CLASP1: variants seen among roughly 807,000 people sequenced by gnomAD.
The protein encoded by CLASP1 is CLIP-associating protein 1.
Under a neutral mutation model 192.3 loss-of-function variants are expected in CLASP1, and 38 were observed. The observed-to-expected ratio is 0.20, with a 90% confidence interval of 0.15 to 0.26. The LOEUF (loss-of-function observed/expected upper bound fraction) is 0.26. Among genes scored for constraint, CLASP1 ranks in the 10% least tolerant of loss-of-function variants. The probability of loss-of-function intolerance (pLI) is 1.00; values close to 1 mark genes in which losing one functional copy is unlikely to be tolerated. For missense variants in CLASP1, 1,433 were observed against 1,932.5 expected, an observed-to-expected ratio of 0.74 and a Z score of 4.85; for synonymous variants, 691 against 712.8, an observed-to-expected ratio of 0.97 and a Z score of 0.49.
chr2:121,621,979 C>A (rs1458927099), intron 1 of CLASP1, among the ~76,000 whole-genome samples: 1 of 152,080 alleles, frequency 6.6e-6, no homozygotes, highest in Non-Finnish European at 1.5e-5. Flanking sequence ...TCCCAACCAG[C>A]TGGGATTACA....
At chr2:121,582,051 T>C (rs1390520861) in intron 2 of CLASP1, among the ~76,000 whole-genome samples, 1 of 151,526 alleles carries the variant, frequency 6.6e-6, no homozygotes, top group Non-Finnish European at 1.5e-5. Flanking sequence ...TAATCCCAGC[T>C]ACGTGGGAGG....
chr2:121,629,828 A>G (rs1275001874), intron 1 of CLASP1, among the ~76,000 whole-genome samples: 1 of 149,590 alleles, frequency 6.7e-6, no homozygotes, highest in Admixed American at 6.6e-5. Flanking sequence ...AACAAAAATG[A>G]TGCCATTTTT....
intron 8 of CLASP1, among the ~76,000 whole-genome samples, chr2:121,478,795 A>C (rs1575273909): frequency 2.6e-5 from 1 of 37,834 alleles, no homozygotes; most frequent in Non-Finnish European, 5.6e-5. Flanking sequence ...CACACACACC[A>C]CACACCACAC....
intron 8 of CLASP1, among the ~76,000 whole-genome samples, chr2:121,478,980 A>C (rs1238471152): frequency 2.0e-5 from 1 of 50,228 alleles, no homozygotes; most frequent in African/African-American, 1.1e-4. Flanking sequence ...CACCACACAC[A>C]CACCACACAC....
At chr2:121,598,657 C>T (rs2063418333) in intron 2 of CLASP1, among the ~76,000 whole-genome samples, 1 of 152,110 alleles carries the variant, frequency 6.6e-6, no homozygotes, top group Non-Finnish European at 1.5e-5. Context: ...CAGTTACTTC[C>T]TGTATAAAAA....
rs150756582 is a variant in CLASP1 at position 121,621,333 on chromosome 2, C to T, written c.-285-15153G>A. ...CTTTTTTAATAGAGATGGCATCTCACTATGTTGCCCAGGCTGATCTTGAAT... is the reference window on the plus strand; with the variant it reads ...CTTTTTTAATAGAGATGGCATCTCATTATGTTGCCCAGGCTGATCTTGAAT... On this transcript the variant is annotated intron_variant, in intron 1 of 39. Coordinates refer to ENST00000263710, the Ensembl canonical transcript of CLASP1. Among the ~76,000 whole-genome samples the T allele has an allele frequency of 2.3e-3, 353 of 152,188 alleles. 2 individuals carry two copies. The highest frequency in any genetic ancestry group is 6.8e-3 in the Middle Eastern group (2 of 294).
chr2:121,507,671 A>G (rs1198129095), intron 7 of CLASP1, among the ~76,000 whole-genome samples: 1 of 152,232 alleles, frequency 6.6e-6, no homozygotes, highest in Admixed American at 6.5e-5. Flanking sequence ...CTATATATTT[A>G]ACAAGCTACT....
intron 23 of CLASP1, among the ~76,000 whole-genome samples, chr2:121,417,792 A>C (rs539299544): frequency 1.3e-5 from 2 of 152,330 alleles, no homozygotes; most frequent in African/African-American, 4.8e-5. Context: ...AAATATTAAG[A>C]CCTTATGCTT....
intron 2 of CLASP1, among the ~76,000 whole-genome samples, chr2:121,600,528 T>C (rs2063672889): frequency 6.6e-6 from 1 of 152,242 alleles, no homozygotes; most frequent in Admixed American, 6.5e-5. Flanking sequence ...TTTGTAACCC[T>C]GCAAATGTCA....
intron 2 of CLASP1, among the ~76,000 whole-genome samples, chr2:121,542,459 T>C (rs2095254073): frequency 6.6e-6 from 1 of 152,184 alleles, no homozygotes; most frequent in African/African-American, 2.4e-5. Flanking sequence ...ACACTGTAAT[T>C]TTCACATTCA....
chr2:121,526,448 C>T (rs2094576101), intron 5 of CLASP1, among the ~76,000 whole-genome samples: 1 of 152,222 alleles, frequency 6.6e-6, no homozygotes, highest in Non-Finnish European at 1.5e-5. Context: ...TTCACCATCA[C>T]CATCCCTGTC....
chr2:121,367,258 TACCTGG>T (rs2067591150), intron 35 of CLASP1, among the ~76,000 whole-genome samples: 1 of 152,210 alleles, frequency 6.6e-6, no homozygotes. Flanking sequence ...ACCCCTGGCC[TACCTGG>T]GCCCTGGGTT....
chr2:121,639,136 G>C (rs1422692966), intron 1 of CLASP1, among the ~76,000 whole-genome samples: 1 of 152,034 alleles, frequency 6.6e-6, no homozygotes, highest in African/African-American at 2.4e-5. Flanking sequence ...AATTAGCCGG[G>C]CTTGGTGGTG....
intron 2 of CLASP1, among the ~76,000 whole-genome samples, chr2:121,560,422 TTCACAACAGATACACA>T: frequency 6.6e-6 from 1 of 152,336 alleles, no homozygotes; most frequent in Admixed American, 6.5e-5. Flanking sequence ...TTAAGGAATT[TTCACAACAGATACACA>T]TAAATTCGAA....
intron 36 of CLASP1, chr2:121,364,883 T>C (rs1447637031): frequency 6.8e-6 from 4 of 586,238 alleles, no homozygotes; most frequent in African/African-American, 5.6e-5. Context: ...TTGCAGACCA[T>C]GCACGTAAGC....
chr2:121,425,239 G>C (rs779469778), exon 22 of CLASP1: 2 of 1,613,460 alleles, frequency 1.2e-6, no homozygotes, highest in Non-Finnish European at 1.7e-6. Flanking sequence ...GGCCTCGTGA[G>C]GAGCCCCCAG....
chr2:121,420,610 C>T (rs544178260), intron 22 of CLASP1, among the ~76,000 whole-genome samples: 1 of 152,324 alleles, frequency 6.6e-6, no homozygotes, highest in East Asian at 1.9e-4. Flanking sequence ...AATGCACATA[C>T]ATAAGTATTT....
At chr2:121,519,493 A>G (rs2094407392) in intron 6 of CLASP1, among the ~76,000 whole-genome samples, 1 of 152,230 alleles carries the variant, frequency 6.6e-6, no homozygotes. Flanking sequence ...CCCTTTCAAG[A>G]AAAGTTAAAA....
intron 14 of CLASP1, among the ~76,000 whole-genome samples, chr2:121,452,582 T>G (rs113524077): frequency 0.042 from 6,456 of 152,012 alleles, 175 homozygotes; most frequent in East Asian, 0.14. Context: ...CTTGAGGTCA[T>G]GAGTTCAAGA....
Sources: allele counts gnomAD v4.1 joint callset (sites outside exome capture counted in the v4.1 genomes callset), GRCh38; gene constraint gnomAD v4.1.1; transcripts MANE v1.5; gene names NCBI Gene and HGNC (gene_info 2026-07-23, HGNC 2026-07-21).